Variants in MTRF1 observed in about 807,000 individuals in gnomAD.
MTRF1 encodes the protein peptide chain release factor 1, mitochondrial.
Under a neutral mutation model 62.9 loss-of-function variants are expected in MTRF1, and 51 were observed. The ratio of observed to expected loss-of-function variants is 0.81; its 90% CI spans 0.65 to 1.02. The LOEUF (loss-of-function observed/expected upper bound fraction) is 1.02. MTRF1 is among the 50% of genes least tolerant of loss of function. The pLI is 0.00. For missense variants in MTRF1, 446 were observed against 530.0 expected (o/e 0.84, Z 1.56); for synonymous variants, 158 against 181.9 (o/e 0.87, Z 1.06).
chr13:41,244,589 G>T (rs2037991654), intron 5 of MTRF1, among the ~76,000 whole-genome samples: 1 of 152,170 alleles, frequency 6.6e-6, no homozygotes, highest in Non-Finnish European at 1.5e-5. Flanking sequence ...ATAGCATATG[G>T]TATGACAGAG....
At chr13:41,258,284 G>C (rs1255635078) in intron 2 of MTRF1, among the ~76,000 whole-genome samples, 1 of 152,078 alleles carries the variant, frequency 6.6e-6, no homozygotes, top group Admixed American at 6.5e-5. Flanking sequence ...AAGGCTAAAT[G>C]AAACAAAATG....
the MTRF1 span, among the ~76,000 whole-genome samples, chr13:41,268,750 T>A: frequency 3.3e-5 from 5 of 152,206 alleles, no homozygotes; most frequent in Admixed American, 1.3e-4. Context: ...TTGAACTTTC[T>A]GTTAAGAAAA....
the MTRF1 span, among the ~76,000 whole-genome samples, chr13:41,290,987 T>A: frequency 6.6e-6 from 1 of 150,886 alleles, no homozygotes. Context: ...TCCCAGCTAC[T>A]CGGGAGGCTG....
upstream of MTRF1, among the ~76,000 whole-genome samples, chr13:41,267,127 T>A (rs943413584): frequency 6.6e-6 from 1 of 152,206 alleles, no homozygotes; most frequent in African/African-American, 2.4e-5. Flanking sequence ...ATTGTTGGTT[T>A]ATTTTAATCT....
chr13:41,248,763 T>A (rs1476401896), intron 5 of MTRF1, among the ~76,000 whole-genome samples: 1 of 152,208 alleles, frequency 6.6e-6, no homozygotes, highest in East Asian at 1.9e-4. Flanking sequence ...AACATAATTA[T>A]AAACATTCAT....
chr13:41,239,091 G>A lies in MTRF1; in HGVS notation c.870+1170C>T, dbSNP rs151103017. Among the ~76,000 whole-genome samples, 117 of 151,822 alleles carry A rather than the reference G, an allele frequency of 7.7e-4. 2 individuals carry two copies. In the East Asian group the frequency reaches 0.021, roughly 27 times the overall value. ...TAATTGTAATGTGTGAAACTTGACAGGATCCTGGATAAAAAAAAAAAATCA... is the reference window on the plus strand; with the variant it reads ...TAATTGTAATGTGTGAAACTTGACAAGATCCTGGATAAAAAAAAAAAATCA... On this transcript the variant is annotated intron_variant, in intron 6 of 9. Transcript: ENST00000379480.
At chr13:41,231,878 C>CAAA (rs57305711) in intron 7 of MTRF1, among the ~76,000 whole-genome samples, 1 of 104,088 alleles carries the variant, frequency 9.6e-6, no homozygotes, top group Non-Finnish European at 2.0e-5. Flanking sequence ...TGGTGTCTAC[C>CAAA]AAAAAAAAAA....
chr13:41,225,577 T>A (rs1311303722), intron 8 of MTRF1, among the ~76,000 whole-genome samples: 1 of 152,104 alleles, frequency 6.6e-6, no homozygotes, highest in East Asian at 1.9e-4. Flanking sequence ...TACATCTAGA[T>A]GAAAAGTATA....
chr13:41,239,211 G>A (rs1041851724), intron 6 of MTRF1, among the ~76,000 whole-genome samples: 1 of 152,000 alleles, frequency 6.6e-6, no homozygotes, highest in Admixed American at 6.6e-5. Context: ...AGTTCAGCCT[G>A]AGCAACACAG....
chr13:41,248,445 T>C (rs536747588), intron 5 of MTRF1, among the ~76,000 whole-genome samples: 8 of 152,222 alleles, frequency 5.3e-5, no homozygotes, highest in Non-Finnish European at 1.2e-4. Flanking sequence ...TTGACTCTGC[T>C]GTCTGATGGT....
intron 6 of MTRF1, 31 bp from the exon 7 acceptor site, chr13:41,234,038 C>T (rs1489146842): frequency 2.8e-6 from 4 of 1,446,952 alleles, no homozygotes; most frequent in Middle Eastern, 3.5e-4. Context: ...TAATTCTACA[C>T]TCCGTGAATA....
chr13:41,236,940 C>T (rs191296865), intron 6 of MTRF1, among the ~76,000 whole-genome samples: 159 of 152,102 alleles, frequency 1.0e-3, no homozygotes, highest in African/African-American at 3.4e-3. Flanking sequence ...AAAACAGGCC[C>T]GGCACTGTGG....
intron 5 of MTRF1, among the ~76,000 whole-genome samples, chr13:41,247,200 T>C (rs999990793): frequency 5.9e-5 from 9 of 152,244 alleles, no homozygotes; most frequent in Non-Finnish European, 8.8e-5. Context: ...AACTATGCCA[T>C]TGGCTTTCCT....
At chr13:41,284,908 C>T in the MTRF1 span, among the ~76,000 whole-genome samples, 6 of 152,160 alleles carry the variant, frequency 3.9e-5, no homozygotes, top group Non-Finnish European at 8.8e-5. Context: ...CCAACTTTGC[C>T]TCCCTAAGTG....
chr13:41,254,113 G>A (rs2039414682), intron 3 of MTRF1, among the ~76,000 whole-genome samples: 1 of 152,122 alleles, frequency 6.6e-6, no homozygotes, highest in Non-Finnish European at 1.5e-5. Context: ...CTAAAGATGT[G>A]TGTTAACCAA....
the MTRF1 span, among the ~76,000 whole-genome samples, chr13:41,292,217 C>T: frequency 6.6e-6 from 1 of 152,164 alleles, no homozygotes; most frequent in East Asian, 1.9e-4. Context: ...AGATTTGTTA[C>T]TAATTCAAGG....
chr13:41,271,518 C>T, the MTRF1 span, among the ~76,000 whole-genome samples: 1 of 152,128 alleles, frequency 6.6e-6, no homozygotes, highest in Non-Finnish European at 1.5e-5. Context: ...CATGACAACA[C>T]AGTGTGCCAC....
At chr13:41,275,971 G>A in the MTRF1 span, among the ~76,000 whole-genome samples, 3 of 151,942 alleles carry the variant, frequency 2.0e-5, no homozygotes, top group South Asian at 2.1e-4. Flanking sequence ...TCCATTGTAC[G>A]CAATTTGCAT....
rs541363871 is a variant in MTRF1, at chr13:41,242,925, A to T, written c.698-2492T>A. On this transcript the variant is annotated intron_variant, in intron 5 of 9. Coordinates refer to ENST00000379480, the MANE Select transcript of MTRF1 (RefSeq NM_004294.4). ...ACAGTCAAACTCCATCTCTACAAAAAATACAAAAATTATGGTCAGGCGCTG... is the reference window on the plus strand; with the variant it reads ...ACAGTCAAACTCCATCTCTACAAAATATACAAAAATTATGGTCAGGCGCTG... Among the ~76,000 whole-genome samples the T allele has an allele frequency of 2.6e-5, 4 of 152,226 alleles. No individual in the cohort carries two copies. The South Asian group carries it at 8.3e-4, about 32-fold the overall frequency.
Sources: allele counts gnomAD v4.1 joint callset (sites outside exome capture counted in the v4.1 genomes callset), GRCh38; gene constraint gnomAD v4.1.1; transcripts MANE v1.5; gene names NCBI Gene and HGNC (gene_info 2026-07-23, HGNC 2026-07-21).